Variants in ACER3 observed in about 807,000 individuals in gnomAD.
ACER3 encodes alkCDase 3.
Under a neutral mutation model 48.9 loss-of-function variants are expected in ACER3, and 16 were observed. The observed-to-expected ratio is 0.33, with a 90% confidence interval of 0.22 to 0.50. The LOEUF (loss-of-function observed/expected upper bound fraction) is 0.50, where lower values mean the gene tolerates loss of function less well. Among genes scored for constraint, ACER3 ranks in the 20% least tolerant of loss-of-function variants. The pLI, the probability that ACER3 is intolerant of heterozygous loss-of-function variation, is 0.98. For missense variants in ACER3, 227 were observed against 326.0 expected, an observed-to-expected ratio of 0.70 and a Z score of 2.34; for synonymous variants, 109 against 107.8, an observed-to-expected ratio of 1.01 and a Z score of -0.07.
In ACER3 at chr11:76,976,294, G is replaced by T; in HGVS notation, c.273G>T (p.Leu91Phe). The T allele has an allele frequency of 6.2e-7, 1 of 1,604,582 alleles. No homozygotes were observed. Among genetic ancestry groups the T allele is most frequent in the East Asian group, 2.2e-5 (1 of 44,598 alleles). The change falls in exon 4 of 11, where the codon TTG (leucine) becomes TTT (phenylalanine). Residue 91 changes from leucine (L) to phenylalanine (F), a missense_variant. Leu to Phe is a conservative substitution (Grantham distance 22). Around this residue, in one of 3 missense-constraint regions of ACER3, gnomAD observed 195 missense variants for 290.8 expected, o/e 0.67. Transcript: ENST00000532485. ...HMTLKYEMQLLDELPMIYSCC... is the reference protein window; with the variant it reads ...HMTLKYEMQLFDELPMIYSCC... ...TCTATCTTTGTTTCTTACAGCTATT[G>T]GATGAACTCCCAATGATATACAGCT... is the stretch of plus-strand genomic sequence containing the variant.
intron 6 of ACER3, among the ~76,000 whole-genome samples, chr11:76,991,556 C>T (rs1046242182): frequency 6.6e-6 from 1 of 151,822 alleles, no homozygotes; most frequent in African/African-American, 2.4e-5. Flanking sequence ...TGGCTCACAC[C>T]TGTAATCCTA....
intron 2 of ACER3, among the ~76,000 whole-genome samples, chr11:76,947,600 T>C (rs1449087880): frequency 6.6e-6 from 1 of 152,186 alleles, no homozygotes; most frequent in East Asian, 1.9e-4. Context: ...TGGAAAGGAT[T>C]TTTGGAAATC....
intron 2 of ACER3, among the ~76,000 whole-genome samples, chr11:76,947,618 A>G (rs1291816829): frequency 6.6e-6 from 1 of 152,212 alleles, no homozygotes; most frequent in Non-Finnish European, 1.5e-5. Flanking sequence ...ATCATTTTAC[A>G]GCTTGCTTAG....
At chr11:76,988,410 A>C (rs567075993) in intron 5 of ACER3, among the ~76,000 whole-genome samples, 1 of 152,206 alleles carries the variant, frequency 6.6e-6, no homozygotes. Context: ...ACAGTTCCGC[A>C]TGGCTGGGGA....
intron 1 of ACER3, among the ~76,000 whole-genome samples, chr11:76,890,233 A>G (rs1041094398): frequency 5.9e-5 from 9 of 152,214 alleles, no homozygotes; most frequent in Middle Eastern, 3.2e-3. Context: ...TGAATAAATT[A>G]CATGCCCACA....
At chr11:76,905,293 C>A (rs1208645766) in intron 1 of ACER3, among the ~76,000 whole-genome samples, 1 of 152,148 alleles carries the variant, frequency 6.6e-6, no homozygotes, top group Non-Finnish European at 1.5e-5. Context: ...ATTTCTCTAT[C>A]AAAAGTGAAA....
chr11:76,958,182 A>G (rs1208561031), intron 2 of ACER3, among the ~76,000 whole-genome samples: 3 of 128,598 alleles, frequency 2.3e-5, no homozygotes, highest in African/African-American at 9.9e-5. Context: ...TTTATTAGCA[A>G]CTTTTTTTTT....
chr11:76,872,103 G>C (rs1328341493), intron 1 of ACER3, among the ~76,000 whole-genome samples: 1 of 136,454 alleles, frequency 7.3e-6, no homozygotes, highest in Non-Finnish European at 1.5e-5. Context: ...TTGAGACTGA[G>C]TCTTGCTCTG....
At chr11:76,900,487 G>A (rs1361630772) in intron 1 of ACER3, among the ~76,000 whole-genome samples, 1 of 152,132 alleles carries the variant, frequency 6.6e-6, no homozygotes, top group Non-Finnish European at 1.5e-5. Flanking sequence ...TCATATAAGG[G>A]TCTATGTCGT....
At chr11:76,900,486 G>C (rs1405106827) in intron 1 of ACER3, among the ~76,000 whole-genome samples, 1 of 152,064 alleles carries the variant, frequency 6.6e-6, no homozygotes, top group Non-Finnish European at 1.5e-5. Context: ...ATCATATAAG[G>C]GTCTATGTCG....
At chr11:76,938,399 G>T (rs916220935) in intron 2 of ACER3, among the ~76,000 whole-genome samples, 5 of 152,140 alleles carry the variant, frequency 3.3e-5, no homozygotes, top group African/African-American at 1.2e-4. Context: ...GCTTACTGCG[G>T]CCTCAACCTC....
chr11:76,891,326 T>A (rs1945799542), intron 1 of ACER3, among the ~76,000 whole-genome samples: 1 of 151,556 alleles, frequency 6.6e-6, no homozygotes, highest in Admixed American at 6.6e-5. Context: ...TTATAGTCTT[T>A]TGTTGTAATG....
chr11:76,919,403 G>A (rs1037067124), intron 1 of ACER3, among the ~76,000 whole-genome samples: 9 of 152,024 alleles, frequency 5.9e-5, no homozygotes, highest in African/African-American at 9.7e-5. Flanking sequence ...TTGAGTTTCC[G>A]TTTACCTTGC....
intron 1 of ACER3, among the ~76,000 whole-genome samples, chr11:76,912,181 T>C (rs1270724572): frequency 6.6e-6 from 1 of 152,176 alleles, no homozygotes; most frequent in Admixed American, 6.6e-5. Flanking sequence ...AGTTCAGTGA[T>C]TGGTATCCTT....
chr11:76,990,518 G>T lies in ACER3; in HGVS notation c.403-21G>T, dbSNP rs199916449. On this transcript the variant is annotated intron_variant, in intron 5 of 10. Transcript: ENST00000532485. ...TTCATAATGTACTTCATTCACATGTGTTTTTTCTAATATTTTGCAGGTTTA... is the reference window on the plus strand; with the variant it reads ...TTCATAATGTACTTCATTCACATGTTTTTTTTCTAATATTTTGCAGGTTTA... The T allele has an allele frequency of 4.7e-6, 7 of 1,483,204 alleles. No individual in the cohort carries two copies. The East Asian group carries it at 1.4e-4, about 29-fold the overall frequency. 91.9% of individuals were successfully genotyped at this position (1,483,204 alleles called of 1,614,324 possible).
At chr11:76,926,942 T>C (rs940801109) in intron 2 of ACER3, among the ~76,000 whole-genome samples, 6 of 152,174 alleles carry the variant, frequency 3.9e-5, no homozygotes, top group Non-Finnish European at 8.8e-5. Flanking sequence ...TGTCAGGTCC[T>C]AACAATTTAT....
intron 1 of ACER3, among the ~76,000 whole-genome samples, chr11:76,904,451 G>A (rs938346905): frequency 3.9e-5 from 6 of 152,034 alleles, no homozygotes; most frequent in African/African-American, 1.4e-4. Context: ...CCACCCTTCT[G>A]GACTGAACCA....
chr11:76,934,232 C>T (rs1176584730), intron 2 of ACER3, among the ~76,000 whole-genome samples: 8 of 151,844 alleles, frequency 5.3e-5, no homozygotes, highest in Non-Finnish European at 7.4e-5. Flanking sequence ...GGGCTCCTCA[C>T]GTCCTAGACG....
intron 2 of ACER3, among the ~76,000 whole-genome samples, chr11:76,950,094 T>A (rs1242651310): frequency 6.6e-6 from 1 of 152,024 alleles, no homozygotes; most frequent in Non-Finnish European, 1.5e-5. Context: ...TAGGATCAGA[T>A]GACTTTTCTG....
Sources: gnomAD v4.1 joint callset for allele counts (sites outside exome capture counted in the v4.1 genomes callset) on GRCh38, gnomAD v4.1.1 for gene constraint, gnomAD v4.1.1 regional missense constraint, MANE v1.5 for transcripts, NCBI Gene and HGNC (gene_info 2026-07-23, HGNC 2026-07-21) for gene names.